The following AXIN2 variants were observed in gnomAD, a reference collection of about 807,000 sequenced individuals.
AXIN2 encodes the protein axin 2, also known as axin-2.
A neutral mutation model predicts 74.7 loss-of-function variants in AXIN2; 21 were observed. The observed-to-expected ratio is 0.28, with a 90% CI of 0.20 to 0.40. The LOEUF is 0.40. AXIN2 is among the 10% of genes least tolerant of loss of function. The pLI is 1.00. For missense variants in AXIN2, 1,144 were observed against 1,111.1 expected, an observed-to-expected ratio of 1.03 and a Z score of -0.42; for synonymous variants, 532 against 454.9, an observed-to-expected ratio of 1.17 and a Z score of -2.16.
intron 3 of AXIN2, among the ~76,000 whole-genome samples, chr17:65,547,481 G>A (rs1331746937): frequency 1.3e-5 from 2 of 152,114 alleles, no homozygotes; most frequent in Non-Finnish European, 2.9e-5. Context: ...CTGCCTGCCT[G>A]CCTTCCTGAT....
chr17:65,560,617 A>C (rs1481862761), intron 1 of AXIN2: 9 of 151,446 alleles, frequency 5.9e-5, no homozygotes, highest in Non-Finnish European at 1.3e-4. Context: ...CCCCCCGCCA[A>C]CCCGGTCACC....
At chr17:65,531,693 C>T (rs2043821375) in intron 10 of AXIN2, among the ~76,000 whole-genome samples, 1 of 152,118 alleles carries the variant, frequency 6.6e-6, no homozygotes, top group Admixed American at 6.5e-5. Flanking sequence ...AGCCCCACCC[C>T]CAGGACTTCA....
At chr17:65,542,254 G>T (rs959358789) in intron 3 of AXIN2, among the ~76,000 whole-genome samples, 11 of 152,218 alleles carry the variant, frequency 7.2e-5, no homozygotes, top group Non-Finnish European at 1.5e-4. Context: ...CTATGTGGTG[G>T]TCTGTGCAAT....
Position 65,538,133 on chromosome 17 carries a change from G to A in AXIN2, c.1200+70C>T, listed in dbSNP as rs781583038. 12 of 1,609,042 alleles carry A rather than the reference G, an allele frequency of 7.5e-6. No homozygotes were observed. The South Asian group carries it at 7.7e-5, about 10-fold the overall frequency. The stretch of plus-strand genomic sequence containing the variant: ...ATGCGCACACCCTAACGCACCCCAT[G>A]CACATGCGCATACACATACGAGCGC... On this transcript the variant is annotated intron_variant, in intron 5 of 10. Transcript: ENST00000307078.
rs767106022 is a variant in AXIN2 at position 65,530,036 on chromosome 17, A to T, written c.2472T>A (p.Asp824Glu). 3 of 1,614,208 alleles carry T rather than the reference A, an allele frequency of 1.9e-6. No homozygotes were observed. The highest frequency in any genetic ancestry group is 2.7e-5 in the African/African-American group (2 of 75,052). ...CTTCATACATCGGGAGCACCGTCTC[A>T]TCCTCCCAGATCTCCTCAAACACCG... ...CGAVFEEIWE[D>E]ETVLPMYEGR... is the part of the protein sequence containing the mutation. The change falls in exon 11 of 11, where the codon GAT becomes GAA. Residue 824 changes from aspartate (D) to glutamate (E), a missense_variant. Physicochemically the swap from Asp to Glu is conservative, Grantham distance 45. This residue lies in a region of AXIN2 where 65 missense variants were observed against 95.7 expected (regional missense o/e 0.68). Coordinates refer to ENST00000307078, the MANE Select transcript of AXIN2 (RefSeq NM_004655.4).
rs1274892456 is a variant in AXIN2, at chr17:65,537,714, T to C, written c.1322A>G (p.Asp441Gly). The C allele has an allele frequency of 6.4e-7, 1 of 1,558,060 alleles. No homozygotes were observed. Among genetic ancestry groups the C allele is most frequent in the Non-Finnish European group, 8.7e-7 (1 of 1,151,214 alleles). The change falls in exon 6 of 11, where the codon GAT (aspartate) becomes GGT (glycine). Residue 441 changes from aspartate (D) to glycine (G), a missense_variant. Coordinates refer to ENST00000307078, the MANE Select transcript of AXIN2 (RefSeq NM_004655.4). ...GGTCTTGAGGACCCTGGACAGGTGATCGTCCAGTATCGTCTGCGGGTCTTC... is the reference window on the plus strand; with the variant it reads ...GGTCTTGAGGACCCTGGACAGGTGACCGTCCAGTATCGTCTGCGGGTCTTC... Reference protein sequence around the residue: ...YEEDPQTILDDHLSRVLKTPG... With the variant: ...YEEDPQTILDGHLSRVLKTPG...
At chr17:65,552,152 G>A (rs1364100696) in intron 2 of AXIN2, among the ~76,000 whole-genome samples, 1 of 152,216 alleles carries the variant, frequency 6.6e-6, no homozygotes, top group Admixed American at 6.5e-5. Context: ...AGTGGTGAGA[G>A]TAAAAAGAAC....
rs1455828195 is a variant in AXIN2, at chr17:65,529,637, T to A, written c.*339A>T. The stretch of plus-strand genomic sequence containing the variant: ...TAAGGATTCCTGTTCAGGTAAGCTA[T>A]ACACAGTTTCTCTTAGTTTATGGAT... On this transcript the variant is annotated 3_prime_UTR_variant, in exon 11 of 11. Coordinates refer to ENST00000307078, the MANE Select transcript of AXIN2 (RefSeq NM_004655.4). 3 of 438,980 alleles carry A rather than the reference T, an allele frequency of 6.8e-6. No homozygotes were observed. Among genetic ancestry groups the A allele is most frequent in the Non-Finnish European group, 1.3e-5 (3 of 235,370 alleles). The allele number at this position is 438,980 out of a possible 1,614,324, so 27.2% of individuals were successfully genotyped here.
intron 8 of AXIN2, 115 bp downstream of exon 8, chr17:65,536,205 T>C: frequency 9.3e-7 from 1 of 1,071,184 alleles, no homozygotes; most frequent in Non-Finnish European, 1.4e-6. Flanking sequence ...ATTCTTCTTC[T>C]CATGGGAGGG....
At chr17:65,539,143 C>T (rs1458023150) in intron 4 of AXIN2, among the ~76,000 whole-genome samples, 1 of 152,176 alleles carries the variant, frequency 6.6e-6, no homozygotes, top group Non-Finnish European at 1.5e-5. Flanking sequence ...ACCCCTGCTG[C>T]CCAGCTTTCT....
intron 2 of AXIN2, among the ~76,000 whole-genome samples, chr17:65,556,231 G>A (rs377167287): frequency 6.6e-6 from 1 of 152,164 alleles, no homozygotes; most frequent in African/African-American, 2.4e-5. Flanking sequence ...CCCGGCAGTG[G>A]GAGACACAGA....
chr17:65,543,033 A>T (rs2044065482), intron 3 of AXIN2, among the ~76,000 whole-genome samples: 1 of 152,240 alleles, frequency 6.6e-6, no homozygotes, highest in South Asian at 2.1e-4. Flanking sequence ...AAACAGGAAC[A>T]CAAGGGACAA....
At chr17:65,559,691 G>A (rs745350395) in intron 1 of AXIN2, among the ~76,000 whole-genome samples, 61 of 152,238 alleles carry the variant, frequency 4.0e-4, no homozygotes, top group Non-Finnish European at 7.5e-4. Flanking sequence ...TTTCAAGCCT[G>A]TCTTTTTTCC....
chr17:65,554,890 C>G (rs1459973506), intron 2 of AXIN2, among the ~76,000 whole-genome samples: 2 of 152,240 alleles, frequency 1.3e-5, no homozygotes, highest in African/African-American at 4.8e-5. Context: ...CCACAACCCC[C>G]CTTCGCACAC....
rs1032366089 is a variant in AXIN2, at chr17:65,537,657, T to G, written c.1379A>C (p.Tyr460Ser). Reference sequence around the variant, plus strand: ...GTCCGGGGAGCGGGAGCGGGGGCTATAGCGGCCTACGCCTGGAGACTGGCA... The same window carrying G: ...GTCCGGGGAGCGGGAGCGGGGGCTAGAGCGGCCTACGCCTGGAGACTGGCA... ...PGCQSPGVGR[Y>S]SPRSRSPDHH... is the part of the protein sequence containing the mutation. Residue 460 changes from tyrosine to serine, a missense_variant, in exon 6 of 11, where the codon TAT (tyrosine) becomes TCT (serine). By Grantham distance (144) the Tyr-to-Ser change is moderately radical (BLOSUM62 -2). Around this residue, in one of 4 missense-constraint regions of AXIN2, gnomAD observed 1,053 missense variants for 973.5 expected, o/e 1.08. Transcript: ENST00000307078. The G allele has an allele frequency of 6.4e-7, 1 of 1,568,026 alleles. No homozygotes were observed. The highest frequency in any genetic ancestry group is 8.6e-7 in the Non-Finnish European group (1 of 1,158,814).
At chr17:65,547,619 T>C (rs1025749358) in intron 3 of AXIN2, among the ~76,000 whole-genome samples, 10 of 152,178 alleles carry the variant, frequency 6.6e-5, no homozygotes, top group African/African-American at 2.2e-4. Flanking sequence ...AAGCCAAAAA[T>C]AGTCTCTAAG....
At chr17:65,530,712 G>A (rs182624780) in intron 10 of AXIN2, among the ~76,000 whole-genome samples, 13 of 152,290 alleles carry the variant, frequency 8.5e-5, no homozygotes, top group East Asian at 7.7e-4. Flanking sequence ...CCAGCCCAGC[G>A]CAGCTTCCCA....
intron 6 of AXIN2, 117 bp downstream of exon 6, chr17:65,537,207 C>G: frequency 6.4e-7 from 1 of 1,558,004 alleles, no homozygotes; most frequent in African/African-American, 1.4e-5. Context: ...CGGCCGTGCA[C>G]TCTGCCGCCC....
chr17:65,539,740 A>G (rs2044013328), intron 4 of AXIN2, among the ~76,000 whole-genome samples: 1 of 152,232 alleles, frequency 6.6e-6, no homozygotes, highest in Non-Finnish European at 1.5e-5. Flanking sequence ...TTTTTTAAAC[A>G]CAACATAACC....
Sources: gnomAD v4.1 joint callset for allele counts (sites outside exome capture counted in the v4.1 genomes callset) on GRCh38, gnomAD v4.1.1 for gene constraint, gnomAD v4.1.1 regional missense constraint, MANE v1.5 for transcripts, NCBI Gene and HGNC (gene_info 2026-07-23, HGNC 2026-07-21) for gene names.